The following LRP1B variants were observed in gnomAD, a reference collection of about 807,000 sequenced individuals.
The protein encoded by LRP1B is low-density lipoprotein receptor-related protein 1B.
A neutral mutation model predicts 556.6 loss-of-function variants in LRP1B; 217 were observed. The ratio of observed to expected loss-of-function variants is 0.39; its 90% CI spans 0.35 to 0.44. The LOEUF (loss-of-function observed/expected upper bound fraction) is 0.44, where lower values mean the gene tolerates loss of function less well. LRP1B is among the 20% of genes least tolerant of loss of function. The pLI, the probability that LRP1B is intolerant of heterozygous loss-of-function variation, is 1.00. For synonymous variants in LRP1B, 2,047 were observed against 1,865.8 expected, an observed-to-expected ratio of 1.10 and a Z score of -2.50; for missense variants, 5,053 against 5,620.8, an observed-to-expected ratio of 0.90 and a Z score of 3.23.
At chr2:140,477,508 T>C (rs550890420) in intron 59 of LRP1B, among the ~76,000 whole-genome samples, 3 of 152,240 alleles carry the variant, frequency 2.0e-5, no homozygotes, top group Admixed American at 2.0e-4. Flanking sequence ...AATTTAAATA[T>C]CTCAGAAGTG....
chr2:140,733,475 A>G (rs992043037), intron 35 of LRP1B, among the ~76,000 whole-genome samples: 4 of 152,094 alleles, frequency 2.6e-5, no homozygotes, highest in Admixed American at 1.3e-4. Flanking sequence ...ACAAACATCT[A>G]TCATTGCAGA....
Position 141,360,993 on chromosome 2 carries a change from T to C in LRP1B, c.344-106352A>G, listed in dbSNP as rs933012680. Reference sequence around the variant, plus strand: ...TTTTATAAGTACCTCCCCAAATAAATAGATTGAATAAATAAAGCATGCAAT... The same window carrying C: ...TTTTATAAGTACCTCCCCAAATAAACAGATTGAATAAATAAAGCATGCAAT... On this transcript the variant is annotated intron_variant, in intron 3 of 90. Coordinates refer to ENST00000389484, the MANE Select transcript of LRP1B (RefSeq NM_018557.3). 2.0e-5 allele frequency among the ~76,000 whole-genome samples: 3 copies of C among 152,242 alleles called. No homozygotes were observed. In the East Asian group the frequency reaches 5.8e-4, roughly 29 times the overall value.
chr2:141,321,893 A>C (rs1687256439), intron 3 of LRP1B, among the ~76,000 whole-genome samples: 1 of 152,136 alleles, frequency 6.6e-6, no homozygotes, highest in African/African-American at 2.4e-5. Flanking sequence ...GATATTAAAT[A>C]GAGAAAAGTT....
Position 142,041,747 on chromosome 2 carries a change from GGA to G in LRP1B, c.82+88899_82+88900del, listed in dbSNP as rs367950515. ...CATTAACACAGTTCACTGGGAAGTAGGAGAGACACAACCTGAAATTTAGTGAT... is the reference window on the plus strand; with the variant it reads ...CATTAACACAGTTCACTGGGAAGTAGGAGACACAACCTGAAATTTAGTGAT... On this transcript the variant is annotated intron_variant, in intron 1 of 90. Transcript: ENST00000389484. Among the ~76,000 whole-genome samples the G allele has an allele frequency of 1.2e-3, 176 of 151,556 alleles. 1 individual carries two copies. The highest frequency in any genetic ancestry group is 4.1e-3 in the African/African-American group (169 of 41,456).
At position 141,297,852 on chromosome 2, in the gene LRP1B, T is replaced by G. The variant is rs1224318266; in HGVS notation, c.344-43211A>C. ...CACTTACCATTGTGTTACAATTATG[T>G]ACAGTATCCAGTATAATAATATGCT... On this transcript the variant is annotated intron_variant, in intron 3 of 90. Transcript: ENST00000389484. Among the ~76,000 whole-genome samples the G allele has an allele frequency of 2.0e-5, 3 of 152,210 alleles. No individual in the cohort carries two copies. In the East Asian group the frequency reaches 5.8e-4, roughly 29 times the overall value.
At chr2:140,513,877 T>G (rs1237938821) in intron 51 of LRP1B, among the ~76,000 whole-genome samples, 1 of 152,030 alleles carries the variant, frequency 6.6e-6, no homozygotes, top group Non-Finnish European at 1.5e-5. Flanking sequence ...AATATATAGC[T>G]ACAGGTACAA....
intron 31 of LRP1B, among the ~76,000 whole-genome samples, chr2:140,827,180 C>T (rs77869146): frequency 0.019 from 2,857 of 152,164 alleles, 85 homozygotes; most frequent in African/African-American, 0.065. Context: ...AAGCCAGACA[C>T]AAGTAAAGGC....
intron 41 of LRP1B, among the ~76,000 whole-genome samples, chr2:140,651,959 A>G (rs180838298): frequency 2.0e-4 from 30 of 152,348 alleles, no homozygotes; most frequent in Admixed American, 7.8e-4. Flanking sequence ...TAGGAAAACA[A>G]TATGTTTCTT....
chr2:141,779,170 T>G (rs527829545), intron 2 of LRP1B, among the ~76,000 whole-genome samples: 1 of 152,278 alleles, frequency 6.6e-6, no homozygotes, highest in South Asian at 2.1e-4. Flanking sequence ...TTTATGTGGA[T>G]TAATTCCTTA....
At chr2:141,096,627 G>GAGAGAGAGA (rs1700315597) in intron 7 of LRP1B, among the ~76,000 whole-genome samples, 65 of 50,484 alleles carry the variant, frequency 1.3e-3, no homozygotes, top group South Asian at 1.5e-3. Flanking sequence ...ACGGGGAGAG[G>GAGAGAGAGA]GGGAGAGAGA....
intron 3 of LRP1B, among the ~76,000 whole-genome samples, chr2:141,286,250 G>A (rs191016994): frequency 3.3e-5 from 5 of 152,002 alleles, no homozygotes; most frequent in Admixed American, 6.6e-5. Flanking sequence ...ATAGAGTTAA[G>A]TATATTGTAT....
chr2:141,173,963 T>C (rs950691364), intron 7 of LRP1B, among the ~76,000 whole-genome samples: 3 of 151,994 alleles, frequency 2.0e-5, no homozygotes, highest in African/African-American at 7.3e-5. Flanking sequence ...GACTTCTCCT[T>C]CTTTTTATTT....
chr2:141,581,060 A>G (rs770742153), intron 2 of LRP1B, among the ~76,000 whole-genome samples: 3 of 152,222 alleles, frequency 2.0e-5, no homozygotes. Context: ...TTGAAAACTG[A>G]TGATGATCAT....
intron 3 of LRP1B, among the ~76,000 whole-genome samples, chr2:141,283,738 G>C (rs1558980476): frequency 6.7e-6 from 1 of 149,296 alleles, no homozygotes; most frequent in Non-Finnish European, 1.5e-5. Context: ...TGGGACTACA[G>C]GTGTGCCCCA....
At chr2:140,341,754 G>T (rs1315666851) in intron 77 of LRP1B, among the ~76,000 whole-genome samples, 1 of 151,388 alleles carries the variant, frequency 6.6e-6, no homozygotes, top group African/African-American at 2.4e-5. Flanking sequence ...GATGGGAGAT[G>T]AGGCTGAAAA....
chr2:141,678,980 G>C (rs1030806375), intron 2 of LRP1B, among the ~76,000 whole-genome samples: 1 of 152,010 alleles, frequency 6.6e-6, no homozygotes, highest in South Asian at 2.1e-4. Context: ...CTGAGGTAAG[G>C]TTACCAAAAG....
chr2:142,114,685 T>C (rs1574700591), intron 1 of LRP1B, among the ~76,000 whole-genome samples: 1 of 152,226 alleles, frequency 6.6e-6, no homozygotes, highest in East Asian at 1.9e-4. Flanking sequence ...AAGTATCACA[T>C]GTTATTACTT....
chr2:141,273,335 T>A (rs1178214412), intron 3 of LRP1B, among the ~76,000 whole-genome samples: 1 of 151,638 alleles, frequency 6.6e-6, no homozygotes, highest in East Asian at 1.9e-4. Flanking sequence ...AAAAACGTAC[T>A]ACAAATCTAT....
chr2:141,271,649 A>C (rs1685094862), intron 3 of LRP1B, among the ~76,000 whole-genome samples: 1 of 151,892 alleles, frequency 6.6e-6, no homozygotes, highest in African/African-American at 2.4e-5. Flanking sequence ...CTCTCTTTAC[A>C]AAATTAGAAT....
Sources: gnomAD v4.1 joint callset for allele counts (sites outside exome capture counted in the v4.1 genomes callset) on GRCh38, gnomAD v4.1.1 for gene constraint, MANE v1.5 for transcripts, NCBI Gene and HGNC (gene_info 2026-07-23, HGNC 2026-07-21) for gene names.